Variants in PEAK1 observed in about 807,000 individuals in gnomAD.
PEAK1 encodes the protein pseudopodium enriched atypical kinase 1, also known as inactive tyrosine-protein kinase PEAK1.
Under a neutral mutation model 124.7 loss-of-function variants are expected in PEAK1, and 54 were observed. That is an observed-to-expected ratio of 0.43 (90% CI 0.35 to 0.54). The LOEUF is 0.54. Ranked by LOEUF, PEAK1 falls within the 20% of genes least tolerant of loss-of-function variation. The pLI is 0.01. For synonymous variants in PEAK1, 719 were observed against 760.0 expected (o/e 0.95, Z 0.89); for missense variants, 2,046 against 2,134.5 (o/e 0.96, Z 0.82).
chr15:77,353,846 A>T (rs747209205), intron 2 of PEAK1, among the ~76,000 whole-genome samples: 6 of 152,248 alleles, frequency 3.9e-5, no homozygotes, highest in Non-Finnish European at 5.9e-5. Context: ...CTGAGGACAA[A>T]GATCAAACAT....
chr15:77,369,727 AT>A (rs2068515385), intron 1 of PEAK1, among the ~76,000 whole-genome samples: 1 of 152,170 alleles, frequency 6.6e-6, no homozygotes, highest in Non-Finnish European at 1.5e-5. Flanking sequence ...TGATCCAAAG[AT>A]TTGAACTGTG....
chr15:77,152,195 G>T (rs1274943632), intron 8 of PEAK1, among the ~76,000 whole-genome samples: 1 of 152,018 alleles, frequency 6.6e-6, no homozygotes, highest in African/African-American at 2.4e-5. Context: ...CCTTGAAGAG[G>T]TCCTTCACAT....
chr15:77,331,772 C>G (rs1029382216), intron 2 of PEAK1, among the ~76,000 whole-genome samples: 2 of 151,898 alleles, frequency 1.3e-5, no homozygotes, highest in East Asian at 4.0e-4. Context: ...CTCGTGCCAC[C>G]GCGCCCAGCT....
chr15:77,388,975 T>G (rs2070211517), intron 1 of PEAK1, among the ~76,000 whole-genome samples: 1 of 150,784 alleles, frequency 6.6e-6, no homozygotes, highest in African/African-American at 2.4e-5. Context: ...TTTTTTTTTT[T>G]TTTTGGAGAT....
intron 6 of PEAK1, among the ~76,000 whole-genome samples, chr15:77,212,817 T>C (rs548409589): frequency 1.6e-4 from 25 of 152,326 alleles, no homozygotes; most frequent in African/African-American, 5.3e-4. Flanking sequence ...TAGAGTGATA[T>C]GAGAAACATC....
intron 2 of PEAK1, among the ~76,000 whole-genome samples, chr15:77,319,036 C>G (rs904646449): frequency 1.3e-5 from 2 of 152,090 alleles, no homozygotes; most frequent in African/African-American, 4.8e-5. Context: ...AAGAAGACAA[C>G]CTAATAGGAT....
intron 5 of PEAK1, among the ~76,000 whole-genome samples, chr15:77,275,831 G>C (rs2062292122): frequency 6.6e-6 from 1 of 151,918 alleles, no homozygotes; most frequent in African/African-American, 2.4e-5. Context: ...CCATTAAAAT[G>C]CTTCAACAGG....
At chr15:77,381,275 T>A (rs1009448122) in intron 1 of PEAK1, 1 of 948,238 alleles carries the variant, frequency 1.1e-6, no homozygotes, top group African/African-American at 1.8e-5. Flanking sequence ...AATGGCCAGA[T>A]GCAGTGATGT....
At chr15:77,240,552 T>C (rs2060309541) in intron 6 of PEAK1, among the ~76,000 whole-genome samples, 1 of 151,438 alleles carries the variant, frequency 6.6e-6, no homozygotes, top group Non-Finnish European at 1.5e-5. Flanking sequence ...GCCCTGGAGG[T>C]TGAGGGTGCC....
At position 77,405,745 on chromosome 15, in the gene PEAK1, T is replaced by C. The variant is rs181896827; in HGVS notation, c.-666+14261A>G. 5.1e-3 allele frequency among the ~76,000 whole-genome samples: 779 copies of C among 152,262 alleles called. 5 individuals are homozygous for C. The highest frequency in any genetic ancestry group is 0.018 in the African/African-American group (729 of 41,578). On this transcript the variant is annotated intron_variant, in intron 1 of 9. Transcript: ENST00000682557. Reference sequence around the variant, plus strand: ...TATCCATTCCTAGGGACAAGATTTTTTGCTACACAACTGACAACTACAAGT... The same window carrying C: ...TATCCATTCCTAGGGACAAGATTTTCTGCTACACAACTGACAACTACAAGT...
intron 8 of PEAK1, among the ~76,000 whole-genome samples, chr15:77,150,211 G>T (rs1467991189): frequency 6.6e-6 from 1 of 151,958 alleles, no homozygotes; most frequent in African/African-American, 2.4e-5. Context: ...TTAAAAAAAG[G>T]AAAACAGTAG....
At chr15:77,365,358 G>C (rs2068149865) in intron 1 of PEAK1, 133 bp from the exon 2 acceptor site, 3 of 175,050 alleles carry the variant, frequency 1.7e-5, no homozygotes, top group Admixed American at 6.5e-5. Flanking sequence ...CTGTTCTTTA[G>C]ATATCTATAG....
Position 77,181,731 on chromosome 15 carries a change from C to A in PEAK1, c.196G>T (p.Ala66Ser). The A allele has an allele frequency of 6.2e-7, 1 of 1,614,042 alleles. No homozygotes were observed. Among genetic ancestry groups the A allele is most frequent in the Non-Finnish European group, 8.5e-7 (1 of 1,179,984 alleles). ...RNTGNFRPPV[A>S]KKPTIAVKPT... The stretch of plus-strand genomic sequence containing the variant: ...TTCACAGCTATAGTGGGTTTTTTAG[C>A]CACAGGAGGCCGGAAATTGCCCGTG... Residue 66 changes from alanine (A) to serine (S), a missense_variant, in exon 7 of 10, where the codon GCT becomes TCT. Transcript: ENST00000682557.
chr15:77,337,235 G>A (rs1051988378), intron 2 of PEAK1: 2 of 983,914 alleles, frequency 2.0e-6, no homozygotes, highest in African/African-American at 3.5e-5. Context: ...AGATAATACA[G>A]ACATGAAAGC....
At chr15:77,252,565 T>C (rs1009271394) in intron 5 of PEAK1, 39 bp from the exon 6 acceptor site, 2 of 945,622 alleles carry the variant, frequency 2.1e-6, no homozygotes, top group African/African-American at 1.8e-5. Context: ...TGGAGAGTAA[T>C]ATAATTTCAA....
intron 6 of PEAK1, among the ~76,000 whole-genome samples, chr15:77,213,517 C>T (rs1033157333): frequency 1.3e-5 from 2 of 151,988 alleles, no homozygotes; most frequent in Middle Eastern, 3.2e-3. Flanking sequence ...GGTGAAACCC[C>T]ATCTCTACTA....
At chr15:77,244,487 T>C (rs1394194186) in intron 6 of PEAK1, among the ~76,000 whole-genome samples, 1 of 152,284 alleles carries the variant, frequency 6.6e-6, no homozygotes, top group South Asian at 2.1e-4. Flanking sequence ...GGGATGAATA[T>C]AGGTATTTAC....
chr15:77,356,581 C>T (rs1233120586), intron 2 of PEAK1, among the ~76,000 whole-genome samples: 1 of 151,306 alleles, frequency 6.6e-6, no homozygotes, highest in Non-Finnish European at 1.5e-5. Context: ...ATGTTTCCTG[C>T]AGCAATATTA....
At chr15:77,417,981 T>A (rs888691552) in intron 1 of PEAK1, 1 of 969,294 alleles carries the variant, frequency 1.0e-6, no homozygotes, top group Non-Finnish European at 1.2e-6. Flanking sequence ...AATGTTTATA[T>A]GAGTACACGT....
Sources: gnomAD v4.1 joint callset for allele counts (sites outside exome capture counted in the v4.1 genomes callset) on GRCh38, gnomAD v4.1.1 for gene constraint, MANE v1.5 for transcripts, NCBI Gene and HGNC (gene_info 2026-07-23, HGNC 2026-07-21) for gene names.